Variants in TRPV2 observed in about 807,000 individuals in gnomAD.
TRPV2 encodes transient receptor potential cation channel subfamily V member 2, also known as OTRPC2.
TRPV2 carries 58 observed loss-of-function variants against 91.0 expected under a neutral mutation model. The observed-to-expected ratio is 0.64, with a 90% CI of 0.52 to 0.79. TRPV2 has a LOEUF of 0.79. TRPV2 is among the 30% of genes least tolerant of loss of function. The pLI, the probability that TRPV2 is intolerant of heterozygous loss-of-function variation, is 0.00. For synonymous variants in TRPV2, 417 were observed against 414.8 expected, an observed-to-expected ratio of 1.01 and a Z score of -0.06; for missense variants, 807 against 969.6, an observed-to-expected ratio of 0.83 and a Z score of 2.23.
Position 16,427,439 on chromosome 17 carries a change from G to A in TRPV2, c.1252-10G>A, listed in dbSNP as rs764052741. 5.6e-6 allele frequency: 9 copies of A among 1,613,038 alleles called. No individual in the cohort carries two copies. The highest frequency in any genetic ancestry group is 7.6e-6 in the Non-Finnish European group (9 of 1,179,438). ...CCAAGGCCCTAGGTCTCATCTGAGT[G>A]TGTCTTCAGCAGGCCGCCCCTCACC... On this transcript the variant is annotated splice_polypyrimidine_tract_variant and intron_variant, in intron 7 of 14. Transcript: ENST00000338560.
At chr17:16,436,512 T>A (rs748986375) in intron 14 of TRPV2, among the ~76,000 whole-genome samples, 13 of 152,208 alleles carry the variant, frequency 8.5e-5, no homozygotes, top group Non-Finnish European at 1.5e-4. Context: ...CCCCAGCATG[T>A]CTCAGGTGTT....
Position 16,432,014 on chromosome 17 carries a change from G to T in TRPV2, c.1703G>T (p.Gly568Val), listed in dbSNP as rs1490087466. 6.2e-7 allele frequency: 1 copy of T among 1,609,082 alleles called. No individual in the cohort carries two copies. The highest frequency in any genetic ancestry group is 8.5e-7 in the Non-Finnish European group (1 of 1,176,264). The change falls in exon 12 of 15, where the codon GGC becomes GTC. Residue 568 changes from glycine to valine, a missense_variant. Physicochemically the swap from Gly to Val is moderately radical, Grantham distance 109. Transcript: ENST00000338560. ...GCTTGGCGCCCCGAAGCTCCTACAG[G>T]CCCCAATGCCACAGAGTCAGTGCAG... ...QEAWRPEAPTGPNATESVQPM... is the reference protein window; with the variant it reads ...QEAWRPEAPTVPNATESVQPM...
At chr17:16,429,229 C>T (rs1220356595) in intron 10 of TRPV2, among the ~76,000 whole-genome samples, 1 of 152,216 alleles carries the variant, frequency 6.6e-6, no homozygotes, top group Non-Finnish European at 1.5e-5. Flanking sequence ...TGCATCCTTC[C>T]ACAAGCAAGG....
Position 16,432,168 on chromosome 17 carries a change from C to A in TRPV2, c.1857C>A (p.Arg619=), listed in dbSNP as rs372686966. ...ELAFQEQLHF[R]GMVLLLLLAY... ...CCTTCCAGGAGCAGCTGCACTTCCGCGGCATGGTGCTGCTGCTGCTGCTGG... is the reference window on the plus strand; with the variant it reads ...CCTTCCAGGAGCAGCTGCACTTCCGAGGCATGGTGCTGCTGCTGCTGCTGG... The change falls in exon 12 of 15, where the codon CGC becomes CGA. Residue 619 remains arginine (R), a synonymous_variant. Coordinates refer to ENST00000338560, the MANE Select transcript of TRPV2 (RefSeq NM_016113.5). The A allele has an allele frequency of 8.1e-6, 13 of 1,614,134 alleles. No homozygotes were observed. In the Admixed American group the frequency reaches 8.3e-5, roughly 10 times the overall value.
chr17:16,416,985 CAG>C (rs967747320), intron 1 of TRPV2, among the ~76,000 whole-genome samples: 5 of 152,198 alleles, frequency 3.3e-5, no homozygotes, highest in Admixed American at 6.5e-5. Flanking sequence ...TAAATGGTAA[CAG>C]GGGTTGTGAC....
intron 10 of TRPV2, 45 bp downstream of exon 10, chr17:16,429,027 GGCAAGAAGAGCCTTCCTCCACA>G (rs1191859027): frequency 3.1e-6 from 5 of 1,601,864 alleles, no homozygotes; most frequent in Non-Finnish European, 4.3e-6. Flanking sequence ...GGCCTCATCA[GGCAAGAAGAGCCTTCCTCCACA>G]GCTATCCTAG....
chr17:16,431,887 G>C (rs751583028), intron 11 of TRPV2, 37 bp downstream of exon 11: 4 of 1,613,410 alleles, frequency 2.5e-6, no homozygotes, highest in Non-Finnish European at 3.4e-6. Context: ...CCTTCCCCAC[G>C]TTCCTTGTCC....
At chr17:16,427,819 C>T (rs1401838194) in intron 8 of TRPV2, among the ~76,000 whole-genome samples, 3 of 152,202 alleles carry the variant, frequency 2.0e-5, no homozygotes, top group African/African-American at 7.2e-5. Context: ...GAGCTGGAAG[C>T]GCCTGCCCCT....
Position 16,428,358 on chromosome 17 carries a change from G to C in TRPV2, c.1392G>C (p.Ser464=), listed in dbSNP as rs750923538. ...FWRRHVFIWI[S]FIDSYFEILF... is the part of the protein sequence containing the mutation. ...GGCGCCACGTGTTCATCTGGATCTC[G>C]TTCATAGACAGCTACTTTGAAATCC... Residue 464 remains serine, a synonymous_variant, in exon 9 of 15, where the codon TCG becomes TCC. Transcript: ENST00000338560. 1 of 1,614,170 alleles carries C rather than the reference G, an allele frequency of 6.2e-7. No individual in the cohort carries two copies. Among genetic ancestry groups the C allele is most frequent in the Non-Finnish European group, 8.5e-7 (1 of 1,180,026 alleles).
rs752458496 is a variant in TRPV2 at position 16,417,798 on chromosome 17, C to T, written c.130C>T (p.Gln44Ter). The T allele has an allele frequency of 1.2e-6, 2 of 1,614,102 alleles. No homozygotes were observed. The highest frequency in any genetic ancestry group is 1.7e-6 in the Non-Finnish European group (2 of 1,180,056). The change falls in exon 2 of 15, where the codon CAG becomes TAG. Residue 44 changes from glutamine (Q) to a stop codon, truncating the protein, a stop_gained. Coordinates refer to ENST00000338560, the MANE Select transcript of TRPV2 (RefSeq NM_016113.5). LOFTEE classifies it high-confidence loss of function. ...GCTGCCTCCCATGGAGTCACAGTTC[C>T]AGGGCGAGGACCGGAAATTCGCCCC... ...SGLPPMESQF[Q>*]GEDRKFAPQI...
intron 3 of TRPV2, among the ~76,000 whole-genome samples, chr17:16,421,187 T>C (rs532078248): frequency 1.2e-4 from 19 of 152,218 alleles, no homozygotes; most frequent in African/African-American, 4.3e-4. Context: ...GCCCTCTGTG[T>C]GCTATCCACT....
intron 3 of TRPV2, among the ~76,000 whole-genome samples, chr17:16,421,503 G>A (rs565450569): frequency 1.7e-4 from 25 of 148,942 alleles, no homozygotes; most frequent in African/African-American, 5.7e-4. Context: ...ACAGGCGTGA[G>A]CCACCGCGCC....
intron 9 of TRPV2, 83 bp from the exon 10 acceptor site, chr17:16,428,734 T>G: frequency 1.3e-6 from 2 of 1,540,102 alleles, no homozygotes; most frequent in Non-Finnish European, 1.8e-6. Flanking sequence ...AAGATGGAGG[T>G]CAGGACCTTG....
rs534145724 is a variant in TRPV2, at chr17:16,434,582, A to C, written c.2115-308A>C. 501 of 317,256 alleles carry C rather than the reference A, an allele frequency of 1.6e-3. 4 individuals carry two copies. Among genetic ancestry groups the C allele is most frequent in the Middle Eastern group, 0.013 (15 of 1,186 alleles). 19.7% of individuals were successfully genotyped at this position (317,256 alleles called of 1,614,324 possible). A position where few individuals can be genotyped will look rare whatever the true frequency, so the allele number is the denominator to read the frequency against. ...ATGAGGAGCAGCCATGATAGGCCCC[A>C]GAACCCGGAAGCACAGATACACCTG... On this transcript the variant is annotated intron_variant, in intron 13 of 14. Coordinates refer to ENST00000338560, the MANE Select transcript of TRPV2 (RefSeq NM_016113.5).
chr17:16,419,099 C>T (rs1041539230), intron 2 of TRPV2, among the ~76,000 whole-genome samples: 2 of 152,008 alleles, frequency 1.3e-5, no homozygotes, highest in Admixed American at 6.6e-5. Flanking sequence ...TGACCCATTC[C>T]ACAAGAGACA....
Position 16,423,530 on chromosome 17 carries a change from G to C in TRPV2, c.687G>C (p.Leu229=). 1 of 1,614,060 alleles carries C rather than the reference G, an allele frequency of 6.2e-7. No homozygotes were observed. Among genetic ancestry groups the C allele is most frequent in the Non-Finnish European group, 8.5e-7 (1 of 1,179,982 alleles). Residue 229 remains leucine, a synonymous_variant, in exon 5 of 15, where the codon CTG becomes CTC. Transcript: ENST00000338560. ...AGTGGGATGTGGTAAGCTACCTCCTGGAGAACCCACACCAGCCCGCCAGCC... is the reference window on the plus strand; with the variant it reads ...AGTGGGATGTGGTAAGCTACCTCCTCGAGAACCCACACCAGCCCGCCAGCC... ...TKQWDVVSYL[L]ENPHQPASLQ...
intron 3 of TRPV2, among the ~76,000 whole-genome samples, chr17:16,422,291 C>G (rs2093361387): frequency 6.9e-6 from 1 of 145,120 alleles, no homozygotes; most frequent in African/African-American, 2.6e-5. Context: ...CCACTGCACT[C>G]CAGCCTGGGT....
In TRPV2 at chr17:16,420,153, T is replaced by G. The variant is rs756613478; in HGVS notation, c.239T>G (p.Phe80Cys). The G allele has an allele frequency of 6.2e-7, 1 of 1,614,064 alleles. No homozygotes were observed. The highest frequency in any genetic ancestry group is 1.7e-5 in the Admixed American group (1 of 60,020). Residue 80 changes from phenylalanine to cysteine, a missense_variant, in exon 3 of 15, where the codon TTC becomes TGC. Coordinates refer to ENST00000338560, the MANE Select transcript of TRPV2 (RefSeq NM_016113.5). ...AACCGATTTGACCGAGATCGGCTCT[T>G]CAATGCGGTCTCCCGGGGTGTCCCC... ...DPNRFDRDRL[F>C]NAVSRGVPED...
At chr17:16,429,989 C>T (rs140224643) in intron 10 of TRPV2, among the ~76,000 whole-genome samples, 285 of 151,992 alleles carry the variant, frequency 1.9e-3, no homozygotes, top group African/African-American at 6.6e-3. Flanking sequence ...CTCAGCCTCC[C>T]GTATGGCTGG....
Sources: allele counts gnomAD v4.1 joint callset (sites outside exome capture counted in the v4.1 genomes callset), GRCh38; gene constraint gnomAD v4.1.1; transcripts MANE v1.5; gene names NCBI Gene and HGNC (gene_info 2026-07-23, HGNC 2026-07-21).